The following GRK3 variants were observed in gnomAD, a reference collection of about 807,000 sequenced individuals.
GRK3 encodes the protein adrenergic, beta, receptor kinase 2.
A neutral mutation model predicts 95.7 loss-of-function variants in GRK3; 54 were observed. The observed-to-expected ratio is 0.56, with a 90% CI of 0.45 to 0.71. GRK3 has a LOEUF of 0.71. Among genes scored for constraint, GRK3 ranks in the 30% least tolerant of loss-of-function variants. GRK3 has a pLI of 0.00. For missense variants in GRK3, 649 were observed against 851.2 expected, an observed-to-expected ratio of 0.76 and a Z score of 2.96; for synonymous variants, 281 against 290.8, an observed-to-expected ratio of 0.97 and a Z score of 0.34.
At chr22:25,592,038 A>G (rs1932509863) in intron 1 of GRK3, among the ~76,000 whole-genome samples, 1 of 152,194 alleles carries the variant, frequency 6.6e-6, no homozygotes, top group African/African-American at 2.4e-5. Context: ...GTGTAGTTTA[A>G]CTTTACTCTC....
At chr22:25,577,258 C>T (rs1162927976) in intron 1 of GRK3, among the ~76,000 whole-genome samples, 2 of 151,388 alleles carry the variant, frequency 1.3e-5, no homozygotes, top group Non-Finnish European at 2.9e-5. Context: ...CTGTAACCTC[C>T]GCCTCCCAGG....
intron 13 of GRK3, among the ~76,000 whole-genome samples, chr22:25,701,296 A>C (rs572782253): frequency 6.6e-6 from 1 of 152,190 alleles, no homozygotes; most frequent in Non-Finnish European, 1.5e-5. Flanking sequence ...GATTATTACT[A>C]TCATAGGTTT....
chr22:25,584,931 G>C (rs1174906135), intron 1 of GRK3, among the ~76,000 whole-genome samples: 1 of 152,286 alleles, frequency 6.6e-6, no homozygotes, highest in African/African-American at 2.4e-5. Context: ...CCCACGTCCA[G>C]GCCACACCAC....
intron 19 of GRK3, among the ~76,000 whole-genome samples, chr22:25,718,881 G>A (rs552592449): frequency 1.3e-5 from 2 of 152,092 alleles, no homozygotes; most frequent in African/African-American, 2.4e-5. Context: ...GAAAATATGC[G>A]GGAAAAAGAA....
intron 13 of GRK3, among the ~76,000 whole-genome samples, chr22:25,699,353 G>A (rs977562008): frequency 6.6e-6 from 1 of 152,092 alleles, no homozygotes; most frequent in Non-Finnish European, 1.5e-5. Flanking sequence ...ACAGGCTTGG[G>A]CACAGTCCCC....
intron 2 of GRK3, among the ~76,000 whole-genome samples, chr22:25,616,460 A>G: frequency 6.6e-6 from 1 of 151,942 alleles, no homozygotes; most frequent in East Asian, 1.9e-4. Flanking sequence ...TCTTGTGGCA[A>G]CTCACTCTCA....
At chr22:25,599,602 A>AAAAAG (rs991316703) in intron 1 of GRK3, among the ~76,000 whole-genome samples, 3 of 151,636 alleles carry the variant, frequency 2.0e-5, no homozygotes, top group Non-Finnish European at 4.4e-5. Context: ...AAAAAAAAAA[A>AAAAAG]AAAAGAAAAG....
chr22:25,659,163 G>A (rs2084893327), intron 3 of GRK3, among the ~76,000 whole-genome samples: 1 of 152,064 alleles, frequency 6.6e-6, no homozygotes, highest in Admixed American at 6.5e-5. Context: ...GCAGAGGAGA[G>A]GAACTACCAA....
intron 1 of GRK3, among the ~76,000 whole-genome samples, chr22:25,603,654 G>A (rs1323162475): frequency 6.6e-6 from 1 of 152,066 alleles, no homozygotes; most frequent in Non-Finnish European, 1.5e-5. Context: ...AACCCTATTG[G>A]AATGTTAATG....
intron 2 of GRK3, among the ~76,000 whole-genome samples, chr22:25,620,402 G>T (rs1161766235): frequency 2.6e-5 from 4 of 152,212 alleles, no homozygotes; most frequent in African/African-American, 9.7e-5. Context: ...AGGGCAAGAA[G>T]TCCCGCAGGG....
chr22:25,671,884 C>T (rs2084985509), intron 6 of GRK3, among the ~76,000 whole-genome samples: 1 of 152,170 alleles, frequency 6.6e-6, no homozygotes, highest in South Asian at 2.1e-4. Context: ...CTTTTAAGTG[C>T]AGAATGCACT....
chr22:25,584,756 G>A lies in GRK3; in HGVS notation c.113+19603G>A, dbSNP rs553792955. On this transcript the variant is annotated intron_variant, in intron 1 of 20. Coordinates refer to ENST00000324198, the MANE Select transcript of GRK3 (RefSeq NM_005160.4). ...TATAGGATTCTTATACTATCTGCAG[G>A]TTCAGGTATCCACTGGCCTTGTATT... 2.6e-5 allele frequency among the ~76,000 whole-genome samples: 4 copies of A among 152,324 alleles called. No homozygotes were observed. In the East Asian group the frequency reaches 7.7e-4, roughly 29 times the overall value.
chr22:25,567,608 A>G (rs1452876843), intron 1 of GRK3, among the ~76,000 whole-genome samples: 2 of 152,262 alleles, frequency 1.3e-5, no homozygotes, highest in Non-Finnish European at 1.5e-5. Flanking sequence ...GCTTCATTAT[A>G]GAGGAAGCCA....
intron 9 of GRK3, chr22:25,684,595 G>A (rs1326945524): frequency 6.6e-6 from 1 of 152,220 alleles, no homozygotes; most frequent in Non-Finnish European, 1.5e-5. Flanking sequence ...CAGAAGCAGA[G>A]ATTGAAATGG....
At position 25,714,594 on chromosome 22, in the gene GRK3, A is replaced by C. The variant is rs766591027; in HGVS notation, c.1654+24A>C. ...AGGTAAAATAGCTCACGTGTCTCAA[A>C]ACATTTCTAATGCAGTAAATTTTCA... On this transcript the variant is annotated intron_variant, in intron 18 of 20. Transcript: ENST00000324198. 4 of 1,558,560 alleles carry C rather than the reference A, an allele frequency of 2.6e-6. No individual in the cohort carries two copies. The Admixed American group carries it at 8.2e-5, about 32-fold the overall frequency.
chr22:25,693,122 G>A (rs1163240425), intron 12 of GRK3, among the ~76,000 whole-genome samples: 1 of 152,220 alleles, frequency 6.6e-6, no homozygotes, highest in Non-Finnish European at 1.5e-5. Context: ...CAGATTGTCA[G>A]TGACTAATTT....
At chr22:25,709,831 G>C in intron 15 of GRK3, 67 bp from the exon 16 acceptor site, 1 of 1,231,806 alleles carries the variant, frequency 8.1e-7, no homozygotes, top group Non-Finnish European at 1.2e-6. Flanking sequence ...ACAGGAGACA[G>C]TTTTGCACAA....
intron 14 of GRK3, among the ~76,000 whole-genome samples, chr22:25,703,837 G>A (rs780790684): frequency 6.6e-6 from 1 of 152,078 alleles, no homozygotes; most frequent in Non-Finnish European, 1.5e-5. Context: ...AAAGAAAATC[G>A]AGAACAGAAG....
At position 25,709,983 on chromosome 22, in the gene GRK3, C is replaced by G. The variant is rs749123700; in HGVS notation, c.1395+19C>G. 1 of 1,588,736 alleles carries G rather than the reference C, an allele frequency of 6.3e-7. No individual in the cohort carries two copies. The highest frequency in any genetic ancestry group is 1.1e-5 in the South Asian group (1 of 90,558). On this transcript the variant is annotated intron_variant, in intron 16 of 20. Transcript: ENST00000324198. ...ACAAAAGGTACTCACTCCCTCTTGA[C>G]TCTACTTACGGTACTGCCGCCCCGC...
Sources: allele counts gnomAD v4.1 joint callset (sites outside exome capture counted in the v4.1 genomes callset), GRCh38; gene constraint gnomAD v4.1.1; transcripts MANE v1.5; gene names NCBI Gene and HGNC (gene_info 2026-07-23, HGNC 2026-07-21).